The following CFAP20DC variants were observed in gnomAD, a reference collection of about 807,000 sequenced individuals.
CFAP20DC encodes protein CFAP20DC.
In CFAP20DC, 84 loss-of-function variants were observed where a neutral mutation model predicts 101.7. The observed-to-expected ratio is 0.83, with a 90% confidence interval of 0.69 to 0.99. CFAP20DC has a LOEUF of 0.99. Ranked by LOEUF, CFAP20DC falls within the 50% of genes least tolerant of loss-of-function variation. The pLI, the probability that CFAP20DC is intolerant of heterozygous loss-of-function variation, is 0.00. For synonymous variants in CFAP20DC, 359 were observed against 351.2 expected (o/e 1.02, Z -0.25); for missense variants, 1,007 against 970.3 (o/e 1.04, Z -0.50).
At position 58,841,705 on chromosome 3, in the gene CFAP20DC, T is replaced by C. The variant is rs1472295870; in HGVS notation, c.1971+7327A>G. Among the ~76,000 whole-genome samples the C allele has an allele frequency of 3.3e-5, 5 of 152,236 alleles. No homozygotes were observed. The East Asian group carries it at 5.8e-4, about 18-fold the overall frequency. On this transcript the variant is annotated intron_variant, in intron 13 of 16. Transcript: ENST00000482387. ...ATGTGAAGGTTAAAGTCAAAAGTTA[T>C]ATGGCTCATTTTACAATTCTTTTCC...
At chr3:58,793,229 A>G (rs960729109) in intron 15 of CFAP20DC, among the ~76,000 whole-genome samples, 5 of 152,186 alleles carry the variant, frequency 3.3e-5, no homozygotes, top group Admixed American at 3.3e-4. Context: ...TCTGACTATG[A>G]GTAATCTGTT....
chr3:58,727,025 C>T (rs2067563089), intron 3 of CFAP20DC: 2 of 253,846 alleles, frequency 7.9e-6, no homozygotes, highest in African/African-American at 4.7e-5. Flanking sequence ...TCCACTCACA[C>T]CATCAGAAAA....
intron 14 of CFAP20DC, among the ~76,000 whole-genome samples, chr3:58,821,266 A>G (rs2075621040): frequency 6.6e-6 from 1 of 152,238 alleles, no homozygotes; most frequent in Non-Finnish European, 1.5e-5. Context: ...AACAAAAGCA[A>G]TGGCAACAAA....
Position 58,787,270 on chromosome 3 carries a change from A to G in CFAP20DC, c.2237+19125T>C, listed in dbSNP as rs1212194247. On this transcript the variant is annotated intron_variant, in intron 15 of 16. Coordinates refer to ENST00000482387, the MANE Select transcript of CFAP20DC (RefSeq NM_001394063.1). The stretch of plus-strand genomic sequence containing the variant: ...AACCAAACACTGCATATTCTCACTC[A>G]TAGGTGGGAATTGAACAATGAGATC... Among the ~76,000 whole-genome samples the G allele has an allele frequency of 2.1e-5, 3 of 143,864 alleles. No homozygotes were observed. The Admixed American group carries it at 2.2e-4, about 11-fold the overall frequency. The allele number at this position is 143,864 out of a possible 152,430, so 94.4% of individuals were successfully genotyped here.
At chr3:58,916,462 C>A (rs1262482482) in intron 5 of CFAP20DC, among the ~76,000 whole-genome samples, 3 of 152,130 alleles carry the variant, frequency 2.0e-5, no homozygotes, top group South Asian at 2.1e-4. Context: ...TCAACCTGGA[C>A]TCATGCTTCA....
At position 58,742,301 on chromosome 3, in the gene CFAP20DC, T is replaced by A; in HGVS notation, c.*159A>T. 1.6e-6 allele frequency: 2 copies of A among 1,236,470 alleles called. No homozygotes were observed. Among genetic ancestry groups the A allele is most frequent in the Non-Finnish European group, 2.0e-6 (2 of 984,562 alleles). The allele number at this position is 1,236,470 out of a possible 1,614,324, so 76.6% of individuals were successfully genotyped here. On this transcript the variant is annotated 3_prime_UTR_variant, in exon 17 of 17. Transcript: ENST00000482387. The stretch of plus-strand genomic sequence containing the variant: ...TCATCTACAAAAGGAATATAGGTAT[T>A]CTTAACGTTGAACATTATTTACAAA...
chr3:58,719,833 G>C (rs547622915), intron 3 of CFAP20DC, among the ~76,000 whole-genome samples: 1 of 152,332 alleles, frequency 6.6e-6, no homozygotes. Context: ...ACTGACTGGA[G>C]TCCACATTCC....
chr3:58,900,586 G>C (rs1463675436), intron 6 of CFAP20DC, among the ~76,000 whole-genome samples: 3 of 152,242 alleles, frequency 2.0e-5, no homozygotes, highest in Admixed American at 2.0e-4. Flanking sequence ...TAAGGACATA[G>C]CTGAATCTAA....
At chr3:58,875,810 T>TACTG (rs10662346) in intron 7 of CFAP20DC, among the ~76,000 whole-genome samples, 90,030 of 151,454 alleles carry the variant, frequency 0.59, 28,645 homozygotes, top group African/African-American at 0.84. Flanking sequence ...TTAGAAATCA[T>TACTG]ACACAGTTCC....
chr3:59,038,186 C>T (rs113700782), intron 4 of CFAP20DC, among the ~76,000 whole-genome samples: 31 of 151,986 alleles, frequency 2.0e-4, no homozygotes, highest in African/African-American at 7.0e-4. Context: ...ATGTAGATGA[C>T]GGGTTGATGG....
chr3:59,049,912 G>T lies in CFAP20DC; in HGVS notation c.-281C>A, dbSNP rs1180382762. 25 of 513,984 alleles carry T rather than the reference G, an allele frequency of 4.9e-5. No individual in the cohort carries two copies. The South Asian group carries it at 6.2e-4, about 13-fold the overall frequency. 31.8% of individuals were successfully genotyped at this position (513,984 alleles called of 1,614,324 possible). On this transcript the variant is annotated 5_prime_UTR_variant, in exon 1 of 17. Transcript: ENST00000482387. Reference sequence around the variant, plus strand: ...GGACGGACTCCGGGCCGTCCCTGGGGAGTGATTGTGTGTGTAACCTACGTG... The same window carrying T: ...GGACGGACTCCGGGCCGTCCCTGGGTAGTGATTGTGTGTGTAACCTACGTG...
Position 58,749,159 on chromosome 3 carries a change from TAG to T in CFAP20DC, c.2332+4608_2332+4609del, listed in dbSNP as rs2068400988. Among the ~76,000 whole-genome samples, 3 of 152,166 alleles carry T rather than the reference TAG, an allele frequency of 2.0e-5. No individual in the cohort carries two copies. The South Asian group carries it at 6.2e-4, about 32-fold the overall frequency. On this transcript the variant is annotated intron_variant, in intron 16 of 16. Transcript: ENST00000482387. ...TCATTCTCATATTTCCTATGGCCAG[TAG>T]AGTCACTCATTCACTCATCAAATAT...
At chr3:58,995,628 G>A (rs2093094580) in intron 4 of CFAP20DC, among the ~76,000 whole-genome samples, 1 of 152,104 alleles carries the variant, frequency 6.6e-6, no homozygotes, top group East Asian at 1.9e-4. Flanking sequence ...GGGTGTATCT[G>A]TGAAGGTGTT....
At chr3:58,893,401 G>GT (rs1175395891) in intron 6 of CFAP20DC, among the ~76,000 whole-genome samples, 1 of 152,162 alleles carries the variant, frequency 6.6e-6, no homozygotes, top group African/African-American at 2.4e-5. Context: ...TAATCATGTG[G>GT]TTTTTGTCTT....
At chr3:58,757,003 T>C (rs1356237957) in intron 15 of CFAP20DC, among the ~76,000 whole-genome samples, 1 of 152,090 alleles carries the variant, frequency 6.6e-6, no homozygotes, top group Non-Finnish European at 1.5e-5. Context: ...ATGATTGCAA[T>C]GAACACTTAA....
At position 58,804,429 on chromosome 3, in the gene CFAP20DC, C is replaced by T. The variant is rs567393867; in HGVS notation, c.2237+1966G>A. Among the ~76,000 whole-genome samples, 15 of 146,026 alleles carry T rather than the reference C, an allele frequency of 1.0e-4. No individual in the cohort carries two copies. The East Asian group carries it at 3.0e-3, about 29-fold the overall frequency. Reference sequence around the variant, plus strand: ...CCAGGCTGGAGTGCAGTTGTGTGATCTCGGCCCACTGTAACCTCTGCTTCC... The same window carrying T: ...CCAGGCTGGAGTGCAGTTGTGTGATTTCGGCCCACTGTAACCTCTGCTTCC... On this transcript the variant is annotated intron_variant, in intron 15 of 16. Transcript: ENST00000482387.
intron 6 of CFAP20DC, among the ~76,000 whole-genome samples, chr3:58,907,585 T>G (rs1448470818): frequency 1.3e-5 from 2 of 152,166 alleles, no homozygotes; most frequent in Non-Finnish European, 2.9e-5. Flanking sequence ...TCAGAGATGT[T>G]CAGAACTCAT....
chr3:58,937,081 A>G (rs2087789195), intron 5 of CFAP20DC, among the ~76,000 whole-genome samples: 2 of 152,220 alleles, frequency 1.3e-5, no homozygotes, highest in South Asian at 2.1e-4. Flanking sequence ...ACGACTTGTC[A>G]GAAAAATCAG....
intron 16 of CFAP20DC, among the ~76,000 whole-genome samples, chr3:58,743,969 A>G (rs2068027947): frequency 6.6e-6 from 1 of 152,206 alleles, no homozygotes; most frequent in South Asian, 2.1e-4. Context: ...GGACATGATG[A>G]CAAGAAACAA....
Sources: allele counts gnomAD v4.1 joint callset (sites outside exome capture counted in the v4.1 genomes callset), GRCh38; gene constraint gnomAD v4.1.1; transcripts MANE v1.5; gene names NCBI Gene and HGNC (gene_info 2026-07-23, HGNC 2026-07-21).